Variants in LRP1B observed in about 807,000 individuals in gnomAD.
The protein encoded by LRP1B is low-density lipoprotein receptor-related protein 1B.
A neutral mutation model predicts 556.6 loss-of-function variants in LRP1B; 217 were observed. That is an observed-to-expected ratio of 0.39 (90% confidence interval 0.35 to 0.44). LRP1B has a LOEUF of 0.44. Ranked by LOEUF, LRP1B falls within the 20% of genes least tolerant of loss-of-function variation. The pLI, the probability that LRP1B is intolerant of heterozygous loss-of-function variation, is 1.00. For synonymous variants in LRP1B, 2,047 were observed against 1,865.8 expected (o/e 1.10, Z -2.50); for missense variants, 5,053 against 5,620.8 (o/e 0.90, Z 3.23).
intron 2 of LRP1B, among the ~76,000 whole-genome samples, chr2:141,689,597 A>C (rs941783838): frequency 6.6e-6 from 1 of 151,952 alleles, no homozygotes; most frequent in Non-Finnish European, 1.5e-5. Flanking sequence ...ACTCATAATA[A>C]ACAGCTCAAG....
intron 3 of LRP1B, among the ~76,000 whole-genome samples, chr2:141,266,180 C>T (rs1033276679): frequency 5.3e-5 from 8 of 151,830 alleles, no homozygotes; most frequent in African/African-American, 1.7e-4. Flanking sequence ...AACAATTTGC[C>T]GGGGGTGATG....
intron 55 of LRP1B, 114 bp downstream of exon 55, chr2:140,501,573 T>C (rs1689188861): frequency 1.6e-6 from 1 of 636,706 alleles, no homozygotes; most frequent in African/African-American, 1.8e-5. Context: ...CTCCATTCAA[T>C]TCGTTTTAAT....
At chr2:140,862,938 C>T (rs939804460) in intron 27 of LRP1B, among the ~76,000 whole-genome samples, 2 of 152,178 alleles carry the variant, frequency 1.3e-5, no homozygotes, top group African/African-American at 4.8e-5. Context: ...CCATAATTGG[C>T]ACTCCTGGTT....
At chr2:141,310,065 T>C (rs553930422) in intron 3 of LRP1B, among the ~76,000 whole-genome samples, 13 of 152,042 alleles carry the variant, frequency 8.6e-5, no homozygotes, top group Non-Finnish European at 1.6e-4. Context: ...AGAGTACCTT[T>C]CCAAAAGAAA....
intron 3 of LRP1B, among the ~76,000 whole-genome samples, chr2:141,400,125 C>G (rs142920847): frequency 2.0e-5 from 3 of 151,880 alleles, no homozygotes; most frequent in Non-Finnish European, 4.4e-5. Context: ...GCATGCTGGG[C>G]GCATGCCACC....
chr2:142,129,834 C>A (rs1574716972), intron 1 of LRP1B, among the ~76,000 whole-genome samples: 1 of 152,204 alleles, frequency 6.6e-6, no homozygotes, highest in East Asian at 1.9e-4. Flanking sequence ...CACAGGGATT[C>A]TTGATTTTCC....
chr2:140,498,470 C>T (rs1016938068), intron 55 of LRP1B, among the ~76,000 whole-genome samples: 5 of 151,682 alleles, frequency 3.3e-5, no homozygotes, highest in Admixed American at 6.6e-5. Flanking sequence ...TTATTACTCC[C>T]TTTTGAATAG....
chr2:141,947,562 A>G (rs1292855131), intron 1 of LRP1B, among the ~76,000 whole-genome samples: 2 of 152,146 alleles, frequency 1.3e-5, no homozygotes, highest in Non-Finnish European at 2.9e-5. Context: ...TATTGAAGAA[A>G]AAGACTATTT....
At chr2:142,069,490 C>T (rs1705233118) in intron 1 of LRP1B, among the ~76,000 whole-genome samples, 1 of 4,996 alleles carries the variant, frequency 2.0e-4, no homozygotes, top group South Asian at 0.031. Context: ...ACTTCATCTC[C>T]CCCACCTCTG....
At chr2:141,661,518 G>C (rs1037825459) in intron 2 of LRP1B, among the ~76,000 whole-genome samples, 1 of 152,118 alleles carries the variant, frequency 6.6e-6, no homozygotes, top group Admixed American at 6.5e-5. Flanking sequence ...CACAACACGA[G>C]AACTTCACAA....
At chr2:141,795,025 A>G (rs1574367635) in intron 2 of LRP1B, among the ~76,000 whole-genome samples, 1 of 152,096 alleles carries the variant, frequency 6.6e-6, no homozygotes. Flanking sequence ...TGAGACCTTG[A>G]GTTAAATGTA....
chr2:141,304,323 C>A (rs1686503707), intron 3 of LRP1B, among the ~76,000 whole-genome samples: 1 of 151,934 alleles, frequency 6.6e-6, no homozygotes, highest in Admixed American at 6.6e-5. Context: ...AGGTCTTAGT[C>A]ATAAAATATT....
chr2:141,948,816 G>A (rs1358741974), intron 1 of LRP1B, among the ~76,000 whole-genome samples: 1 of 151,908 alleles, frequency 6.6e-6, no homozygotes, highest in Non-Finnish European at 1.5e-5. Context: ...AATAACAATA[G>A]CAGGATCTAA....
chr2:140,418,494 T>C (rs1685292933), intron 66 of LRP1B, among the ~76,000 whole-genome samples: 1 of 152,124 alleles, frequency 6.6e-6, no homozygotes, highest in South Asian at 2.1e-4. Context: ...TCATATGTTC[T>C]GGATTACAGT....
intron 1 of LRP1B, among the ~76,000 whole-genome samples, chr2:141,864,593 AG>A (rs1698346839): frequency 6.7e-6 from 1 of 149,840 alleles, no homozygotes; most frequent in South Asian, 2.1e-4. Flanking sequence ...ATGAAACTGG[AG>A]GAATGCGCCA....
Position 140,234,803 on chromosome 2 carries a change from C to A in LRP1B, c.13642G>T (p.Gly4548Ter). 1.3e-6 allele frequency: 1 copy of A among 775,094 alleles called. No homozygotes were observed. The highest frequency in any genetic ancestry group is 2.4e-5 in the East Asian group (1 of 40,978). The allele number at this position is 775,094 out of a possible 1,614,324, so 48.0% of individuals were successfully genotyped here. ...PPIYLNSDLK[G>*]PLTAGPTNYS... ...TCTCTCACCCCAGCAGTTAGTGGTC[C>A]TTTCAAATCAGAGTTTAGGTAGATG... The change falls in exon 90 of 91, where the codon GGA (glycine) becomes TGA (stop). Residue 4548 changes from glycine to a stop codon, truncating the protein, a stop_gained. Transcript: ENST00000389484. LOFTEE classifies it high-confidence loss of function.
intron 1 of LRP1B, among the ~76,000 whole-genome samples, chr2:141,990,733 G>C (rs1231535138): frequency 6.6e-6 from 1 of 152,032 alleles, no homozygotes; most frequent in Non-Finnish European, 1.5e-5. Flanking sequence ...TGGTGTATGT[G>C]TGTATCTATA....
intron 18 of LRP1B, among the ~76,000 whole-genome samples, chr2:140,976,216 G>T (rs900415439): frequency 6.6e-6 from 1 of 151,762 alleles, no homozygotes; most frequent in Non-Finnish European, 1.5e-5. Flanking sequence ...CACCATGCCC[G>T]CCTACTCTTC....
chr2:140,626,873 C>A (rs1012660344), intron 41 of LRP1B, among the ~76,000 whole-genome samples: 3 of 152,066 alleles, frequency 2.0e-5, no homozygotes. Flanking sequence ...GAATATCAGT[C>A]TTGACATGGA....
Sources: allele counts gnomAD v4.1 joint callset (sites outside exome capture counted in the v4.1 genomes callset), GRCh38; gene constraint gnomAD v4.1.1; transcripts MANE v1.5; gene names NCBI Gene and HGNC (gene_info 2026-07-23, HGNC 2026-07-21).